The following HMGCLL1 variants were observed in gnomAD, a reference collection of about 807,000 sequenced individuals.
HMGCLL1 encodes the protein 3-hydroxy-3-methylglutaryl-CoA lyase like 1.
A neutral mutation model predicts 39.1 loss-of-function variants in HMGCLL1; 36 were observed. That is an observed-to-expected ratio of 0.92 (90% CI 0.71 to 1.22). HMGCLL1 has a LOEUF of 1.22. HMGCLL1 is among the 50% of genes most tolerant of loss of function. The pLI is 0.00. For missense variants in HMGCLL1, 451 were observed against 416.5 expected (o/e 1.08, Z -0.72); for synonymous variants, 149 against 144.0 (o/e 1.03, Z -0.25).
intron 7 of HMGCLL1, among the ~76,000 whole-genome samples, chr6:55,490,319 T>A (rs1766245146): frequency 6.6e-6 from 1 of 152,134 alleles, no homozygotes; most frequent in South Asian, 2.1e-4. Context: ...GGTGCTGATG[T>A]AAGCATGGAA....
intron 7 of HMGCLL1, among the ~76,000 whole-genome samples, chr6:55,461,912 G>T (rs1188114270): frequency 2.0e-5 from 3 of 151,986 alleles, no homozygotes; most frequent in African/African-American, 7.2e-5. Flanking sequence ...CAATTAAGTA[G>T]CAGGAAAAAA....
At chr6:55,594,927 C>G in the HMGCLL1 span, among the ~76,000 whole-genome samples, 4 of 152,260 alleles carry the variant, frequency 2.6e-5, no homozygotes, top group East Asian at 7.7e-4. Flanking sequence ...AGTAAACACT[C>G]TGGATATTGT....
intron 5 of HMGCLL1, among the ~76,000 whole-genome samples, chr6:55,509,486 G>A (rs9296787): frequency 6.6e-6 from 1 of 151,530 alleles, no homozygotes. Context: ...ACAAGGAGAA[G>A]AGGAAAGACA....
At chr6:55,603,242 G>A in the HMGCLL1 span, among the ~76,000 whole-genome samples, 1 of 151,918 alleles carries the variant, frequency 6.6e-6, no homozygotes, top group Non-Finnish European at 1.5e-5. Context: ...TAACCTAAGA[G>A]AATATTTTAA....
chr6:55,660,593 A>T, the HMGCLL1 span, among the ~76,000 whole-genome samples: 1 of 151,952 alleles, frequency 6.6e-6, no homozygotes, highest in Admixed American at 6.6e-5. Flanking sequence ...TATATGTACC[A>T]CATTTCCTTT....
At chr6:55,596,484 CA>C in the HMGCLL1 span, among the ~76,000 whole-genome samples, 1 of 152,042 alleles carries the variant, frequency 6.6e-6, no homozygotes, top group Non-Finnish European at 1.5e-5. Context: ...TCTAATGCAA[CA>C]AGCTTAATAA....
the HMGCLL1 span, among the ~76,000 whole-genome samples, chr6:55,667,188 C>T: frequency 1.3e-5 from 2 of 151,638 alleles, no homozygotes; most frequent in Non-Finnish European, 2.9e-5. Context: ...GAATCACTTG[C>T]AAAGAGTGCA....
chr6:55,543,445 T>C (rs1205431017), intron 1 of HMGCLL1, among the ~76,000 whole-genome samples: 51 of 6,238 alleles, frequency 8.2e-3, no homozygotes, highest in Non-Finnish European at 0.024. Context: ...TCATATATGA[T>C]ATATATGATA....
At chr6:55,591,116 C>G in the HMGCLL1 span, among the ~76,000 whole-genome samples, 1 of 151,854 alleles carries the variant, frequency 6.6e-6, no homozygotes, top group Non-Finnish European at 1.5e-5. Flanking sequence ...TATATTTTAG[C>G]GAAAGAAACC....
chr6:55,438,122 C>T (rs1235605902), intron 8 of HMGCLL1, among the ~76,000 whole-genome samples: 3 of 151,890 alleles, frequency 2.0e-5, no homozygotes, highest in African/African-American at 7.3e-5. Flanking sequence ...CTATGGAGTT[C>T]GATTCAGTCA....
the HMGCLL1 span, among the ~76,000 whole-genome samples, chr6:55,649,970 G>A: frequency 6.8e-6 from 1 of 147,974 alleles, no homozygotes; most frequent in Admixed American, 6.8e-5. Flanking sequence ...AAATTTATCT[G>A]ATATAATTCT....
the HMGCLL1 span, among the ~76,000 whole-genome samples, chr6:55,657,357 G>A: frequency 1.3e-5 from 2 of 151,818 alleles, no homozygotes; most frequent in Non-Finnish European, 2.9e-5. Flanking sequence ...TCTATCTTGA[G>A]TTATTTTTTG....
At chr6:55,439,961 A>G (rs1482773596) in intron 7 of HMGCLL1, among the ~76,000 whole-genome samples, 1 of 152,188 alleles carries the variant, frequency 6.6e-6, no homozygotes. Context: ...ATTCTACTTC[A>G]ACATCAAAAT....
At chr6:55,453,980 T>C (rs982178216) in intron 7 of HMGCLL1, among the ~76,000 whole-genome samples, 1 of 152,208 alleles carries the variant, frequency 6.6e-6, no homozygotes, top group East Asian at 1.9e-4. Context: ...AAAATCATTA[T>C]AGACATAGAA....
the HMGCLL1 span, among the ~76,000 whole-genome samples, chr6:55,587,149 G>C: frequency 6.6e-6 from 1 of 152,162 alleles, no homozygotes; most frequent in African/African-American, 2.4e-5. Flanking sequence ...GGCCAGTCAT[G>C]ATGAGCATTT....
At chr6:55,539,702 A>G (rs80185239) in intron 3 of HMGCLL1, among the ~76,000 whole-genome samples, 2,990 of 151,476 alleles carry the variant, frequency 0.02, 49 homozygotes, top group South Asian at 0.094. Context: ...AGCGTATGGA[A>G]GAGTTGAGGG....
At chr6:55,519,897 C>G (rs1767948392) in intron 3 of HMGCLL1, among the ~76,000 whole-genome samples, 1 of 151,946 alleles carries the variant, frequency 6.6e-6, no homozygotes. Flanking sequence ...ATATTTAATT[C>G]ATTCTGCACA....
chr6:55,493,385 A>G (rs537467802), intron 7 of HMGCLL1, among the ~76,000 whole-genome samples: 3 of 152,172 alleles, frequency 2.0e-5, no homozygotes, highest in African/African-American at 2.4e-5. Context: ...CTGTCCTTAC[A>G]TATGTTCTCA....
intron 1 of HMGCLL1, among the ~76,000 whole-genome samples, chr6:55,552,012 T>C (rs957591811): frequency 6.6e-6 from 1 of 151,904 alleles, no homozygotes; most frequent in African/African-American, 2.4e-5. Context: ...ATTGATCCAC[T>C]GTATCAAGAC....
Sources: allele counts gnomAD v4.1 joint callset (sites outside exome capture counted in the v4.1 genomes callset), GRCh38; gene constraint gnomAD v4.1.1; transcripts MANE v1.5; gene names NCBI Gene and HGNC (gene_info 2026-07-23, HGNC 2026-07-21).